The following TMEM161B variants were observed in gnomAD, a reference collection of about 807,000 sequenced individuals.
The protein encoded by TMEM161B is transmembrane protein 161B.
A neutral mutation model predicts 61.8 loss-of-function variants in TMEM161B; 34 were observed. The ratio of observed to expected loss-of-function variants is 0.55; its 90% CI spans 0.42 to 0.73. TMEM161B has a LOEUF of 0.73. Ranked by LOEUF, TMEM161B falls within the 30% of genes least tolerant of loss-of-function variation. The pLI is 0.00. For missense variants in TMEM161B, 456 were observed against 558.5 expected, an observed-to-expected ratio of 0.82 and a Z score of 1.85; for synonymous variants, 167 against 192.8, an observed-to-expected ratio of 0.87 and a Z score of 1.11.
At chr5:88,263,450 T>C (rs928366133) in intron 1 of TMEM161B, among the ~76,000 whole-genome samples, 1 of 152,204 alleles carries the variant, frequency 6.6e-6, no homozygotes, top group Non-Finnish European at 1.5e-5. Context: ...TTTTAAAGTT[T>C]GGTGAAACAA....
intron 1 of TMEM161B, among the ~76,000 whole-genome samples, chr5:88,258,323 A>G (rs529314833): frequency 1.3e-5 from 2 of 152,282 alleles, no homozygotes; most frequent in Admixed American, 6.5e-5. Context: ...TTCGACACGC[A>G]ATATCCTACC....
intron 1 of TMEM161B, among the ~76,000 whole-genome samples, chr5:88,268,446 C>A (rs1235822335): frequency 6.6e-6 from 1 of 152,186 alleles, no homozygotes; most frequent in African/African-American, 2.4e-5. Context: ...AGGCCATACA[C>A]AGTAAATGGG....
intron 1 of TMEM161B, among the ~76,000 whole-genome samples, chr5:88,245,207 G>A (rs373319769): frequency 1.3e-5 from 2 of 151,806 alleles, no homozygotes; most frequent in African/African-American, 4.8e-5. Context: ...CTATCAACTA[G>A]GTTAAAGTTC....
chr5:88,200,669 A>T (rs142598686), intron 9 of TMEM161B: 4 of 152,230 alleles, frequency 2.6e-5, no homozygotes, highest in Non-Finnish European at 5.9e-5. Context: ...AGTTGATCTG[A>T]TAGAGTATCT....
chr5:88,193,383 C>CTA (rs1466137417), downstream of TMEM161B, among the ~76,000 whole-genome samples: 1 of 152,014 alleles, frequency 6.6e-6, no homozygotes, highest in Non-Finnish European at 1.5e-5. Context: ...AATAAAAGAA[C>CTA]TATACTGGTC....
chr5:88,212,631 C>A (rs1305260367), intron 5 of TMEM161B, among the ~76,000 whole-genome samples: 1 of 152,156 alleles, frequency 6.6e-6, no homozygotes, highest in Admixed American at 6.5e-5. Flanking sequence ...AATTCATGAC[C>A]AGCCTGGGCA....
intron 2 of TMEM161B, among the ~76,000 whole-genome samples, chr5:88,236,942 A>G (rs993359033): frequency 6.6e-6 from 1 of 152,150 alleles, no homozygotes; most frequent in African/African-American, 2.4e-5. Context: ...GAAAAGTTGT[A>G]TTTGTCTCCC....
At chr5:88,202,194 G>T in intron 9 of TMEM161B, 1 of 450,026 alleles carries the variant, frequency 2.2e-6, no homozygotes. Context: ...GAGGAGGAGA[G>T]CTGGAGTTTG....
chr5:88,212,701 T>C (rs1185598194), intron 5 of TMEM161B, among the ~76,000 whole-genome samples: 1 of 152,062 alleles, frequency 6.6e-6, no homozygotes. Context: ...TGGTGGCACG[T>C]GCCTATAGTC....
chr5:88,242,489 A>C (rs1246601157), intron 1 of TMEM161B, among the ~76,000 whole-genome samples: 1 of 151,858 alleles, frequency 6.6e-6, no homozygotes, highest in Non-Finnish European at 1.5e-5. Context: ...AAAAATGTTA[A>C]AAAATTTAAG....
intron 6 of TMEM161B, among the ~76,000 whole-genome samples, chr5:88,206,804 A>T (rs1282483379): frequency 2.0e-5 from 3 of 152,126 alleles, no homozygotes; most frequent in Non-Finnish European, 4.4e-5. Context: ...TAAGGAAAAA[A>T]ACGAGACAGT....
intron 1 of TMEM161B, among the ~76,000 whole-genome samples, chr5:88,257,066 C>T (rs1755076905): frequency 6.6e-6 from 1 of 152,080 alleles, no homozygotes; most frequent in Non-Finnish European, 1.5e-5. Context: ...GTCAGGAATT[C>T]CAGACCAGAC....
downstream of TMEM161B, among the ~76,000 whole-genome samples, chr5:88,193,093 T>G (rs1019346996): frequency 1.4e-4 from 22 of 152,138 alleles, no homozygotes; most frequent in African/African-American, 5.3e-4. Context: ...TCAATTGGGA[T>G]TCTGGGAAAA....
downstream of TMEM161B, among the ~76,000 whole-genome samples, chr5:88,192,435 TTAAAA>T (rs1304935065): frequency 6.6e-6 from 1 of 152,120 alleles, no homozygotes; most frequent in Non-Finnish European, 1.5e-5. Flanking sequence ...GTTTACCACT[TTAAAA>T]AAGGAAAAGG....
At chr5:88,207,007 T>C in intron 6 of TMEM161B, 22 bp downstream of exon 6, 2 of 1,607,360 alleles carry the variant, frequency 1.2e-6, no homozygotes, top group Non-Finnish European at 1.7e-6. Context: ...AATTGATTTT[T>C]AAAGTTGTAT....
chr5:88,234,749 G>C (rs1229357993), intron 2 of TMEM161B, among the ~76,000 whole-genome samples: 1 of 152,106 alleles, frequency 6.6e-6, no homozygotes, highest in African/African-American at 2.4e-5. Context: ...AGAAAATTGA[G>C]AGTAAGTATT....
intron 1 of TMEM161B, among the ~76,000 whole-genome samples, chr5:88,249,736 A>C (rs1293896199): frequency 6.6e-6 from 1 of 152,110 alleles, no homozygotes; most frequent in Non-Finnish European, 1.5e-5. Flanking sequence ...AACTCACTGA[A>C]GGACTGGATA....
At position 88,205,843 on chromosome 5, in the gene TMEM161B, G is replaced by C; in HGVS notation, c.771C>G (p.Ala257=). 1 of 1,612,358 alleles carries C rather than the reference G, an allele frequency of 6.2e-7. No individual in the cohort carries two copies. The change falls in exon 8 of 12, where the codon GCC becomes GCG. Residue 257 remains alanine, a synonymous_variant. Transcript: ENST00000296595. ...TAATTTTTTCTGTTGCCAAATTCAG[G>C]GCATCCAGATGCATTTGAGCCAGTC... ...GLRLAQMHLD[A]LNLATEKITQ...
chr5:88,266,616 A>C (rs781175006), intron 1 of TMEM161B, among the ~76,000 whole-genome samples: 2 of 152,232 alleles, frequency 1.3e-5, no homozygotes, highest in African/African-American at 2.4e-5. Flanking sequence ...AATGGGCAGA[A>C]TCTGGGTCCT....
Sources: allele counts gnomAD v4.1 joint callset (sites outside exome capture counted in the v4.1 genomes callset), GRCh38; gene constraint gnomAD v4.1.1; transcripts MANE v1.5; gene names NCBI Gene and HGNC (gene_info 2026-07-23, HGNC 2026-07-21).